The following ABTB2 variants were observed in gnomAD, a reference collection of about 807,000 sequenced individuals.
ABTB2 encodes ankyrin repeat and BTB domain containing 2, also known as ankyrin repeat and BTB/POZ domain-containing protein 2.
A neutral mutation model predicts 104.1 loss-of-function variants in ABTB2; 56 were observed. That is an observed-to-expected ratio of 0.54 (90% CI 0.43 to 0.67). The LOEUF is 0.67. ABTB2 is among the 30% of genes least tolerant of loss of function. ABTB2 has a pLI of 0.00. For missense variants in ABTB2, 1,279 were observed against 1,407.7 expected (o/e 0.91, Z 1.46); for synonymous variants, 606 against 608.2 (o/e 1.00, Z 0.05).
intron 1 of ABTB2, among the ~76,000 whole-genome samples, chr11:34,266,529 T>C (rs1181526720): frequency 6.6e-6 from 1 of 152,202 alleles, no homozygotes; most frequent in Non-Finnish European, 1.5e-5. Context: ...GTAGTGTGTC[T>C]TGTTATTTCT....
At chr11:34,246,024 TCTAAAAC>T (rs1306045129) in intron 1 of ABTB2, among the ~76,000 whole-genome samples, 1 of 152,206 alleles carries the variant, frequency 6.6e-6, no homozygotes, top group Non-Finnish European at 1.5e-5. Context: ...GCTGCCAGCT[TCTAAAAC>T]GTTCAGGCCA....
chr11:34,328,992 A>C (rs908542407), intron 1 of ABTB2, among the ~76,000 whole-genome samples: 7 of 152,266 alleles, frequency 4.6e-5, no homozygotes, highest in Non-Finnish European at 1.5e-5. Context: ...TCAGAGATAG[A>C]CTAGAAGAGA....
chr11:34,348,537 C>T (rs1855360913), intron 1 of ABTB2, among the ~76,000 whole-genome samples: 1 of 152,134 alleles, frequency 6.6e-6, no homozygotes, highest in African/African-American at 2.4e-5. Flanking sequence ...TGCATCCCCT[C>T]CCATCTCCGC....
rs772418965 is a variant in ABTB2, at chr11:34,317,761, C to CA, written c.883+38939dup. Among the ~76,000 whole-genome samples, 857 of 125,614 alleles carry CA rather than the reference C, an allele frequency of 6.8e-3. 20 individuals carry two copies. Among genetic ancestry groups the CA allele is most frequent in the African/African-American group, 0.016 (543 of 33,210 alleles). 82.4% of individuals were successfully genotyped at this position (125,614 alleles called of 152,430 possible). On this transcript the variant is annotated intron_variant, in intron 1 of 16. Coordinates refer to ENST00000435224, the MANE Select transcript of ABTB2 (RefSeq NM_145804.3). ...CAGGCAACAGAGCAAAATCCTGTCTCAAAAAAAAAAAAAAAAAATTAATAA... is the reference window on the plus strand; with the variant it reads ...CAGGCAACAGAGCAAAATCCTGTCTCAAAAAAAAAAAAAAAAAAATTAATAA...
At chr11:34,232,679 G>A (rs1021299752) in intron 1 of ABTB2, among the ~76,000 whole-genome samples, 2 of 152,086 alleles carry the variant, frequency 1.3e-5, no homozygotes, top group African/African-American at 4.8e-5. Flanking sequence ...CTTGGGTGCA[G>A]GGTGGTGGTT....
intron 1 of ABTB2, among the ~76,000 whole-genome samples, chr11:34,269,132 T>A (rs1239630724): frequency 6.6e-6 from 1 of 152,126 alleles, no homozygotes; most frequent in Non-Finnish European, 1.5e-5. Context: ...GTGAACACGA[T>A]GGAGAAATGC....
chr11:34,170,934 G>A lies in ABTB2; in HGVS notation c.1535C>T (p.Pro512Leu), dbSNP rs966509865. The A allele has an allele frequency of 6.8e-6, 11 of 1,614,016 alleles. No homozygotes were observed. The highest frequency in any genetic ancestry group is 3.3e-4 in the Middle Eastern group (2 of 6,084). ...LINQAIEALG[P>L]DGVNTMDDQG... ...GTCATCCATGGTGTTAACCCCATCC[G>A]GACCCAAGGCCTCGATGGCTTGGTT... Residue 512 changes from proline to leucine, a missense_variant, in exon 5 of 17, where the codon CCG becomes CTG. By Grantham distance (98) the Pro-to-Leu change is moderately conservative. Transcript: ENST00000435224.
intron 3 of ABTB2, among the ~76,000 whole-genome samples, chr11:34,196,552 TA>T (rs1360851353): frequency 4.0e-5 from 6 of 148,694 alleles, no homozygotes; most frequent in Admixed American, 6.7e-5. Context: ...AGACTCCGTC[TA>T]AAAAAAAAAG....
intron 1 of ABTB2, among the ~76,000 whole-genome samples, chr11:34,276,121 T>G (rs1028770689): frequency 2.0e-5 from 3 of 152,090 alleles, no homozygotes; most frequent in Non-Finnish European, 4.4e-5. Flanking sequence ...AGTCTTTGTT[T>G]CTTAGGGGGG....
rs1854744918 is a variant in ABTB2, at chr11:34,304,168, AG to A, written c.883+52532del. The stretch of plus-strand genomic sequence containing the variant: ...ATATGCTATCTGCCCATTGGTGTAT[AG>A]GAAAAAACATGGTATATCTAGAGCT... On this transcript the variant is annotated intron_variant, in intron 1 of 16. Coordinates refer to ENST00000435224, the MANE Select transcript of ABTB2 (RefSeq NM_145804.3). 7.9e-5 allele frequency among the ~76,000 whole-genome samples: 12 copies of A among 152,292 alleles called. No individual in the cohort carries two copies. In the South Asian group the frequency reaches 2.5e-3, roughly 32 times the overall value.
At chr11:34,189,880 T>C (rs1167106633) in intron 3 of ABTB2, among the ~76,000 whole-genome samples, 1 of 152,126 alleles carries the variant, frequency 6.6e-6, no homozygotes, top group African/African-American at 2.4e-5. Flanking sequence ...CTAAGTGCCT[T>C]ATGTATATTA....
chr11:34,233,384 T>C (rs1294838765), intron 1 of ABTB2, among the ~76,000 whole-genome samples: 2 of 150,856 alleles, frequency 1.3e-5, no homozygotes, highest in East Asian at 2.0e-4. Context: ...TGAAGTGCAG[T>C]GGTGTGACCT....
At chr11:34,202,969 G>A (rs1166459676) in intron 2 of ABTB2, among the ~76,000 whole-genome samples, 1 of 152,228 alleles carries the variant, frequency 6.6e-6, no homozygotes, top group Non-Finnish European at 1.5e-5. Context: ...CCCTTGGCTA[G>A]CGGTAATGGC....
intron 1 of ABTB2, among the ~76,000 whole-genome samples, chr11:34,303,014 T>C (rs1854726240): frequency 6.6e-6 from 1 of 152,212 alleles, no homozygotes; most frequent in Admixed American, 6.5e-5. Flanking sequence ...CCTGATGGCT[T>C]TCCTTCTCAA....
chr11:34,152,063 G>A lies in ABTB2; in HGVS notation c.*324C>T, dbSNP rs1490970248. On this transcript the variant is annotated 3_prime_UTR_variant, in exon 17 of 17. Coordinates refer to ENST00000435224, the MANE Select transcript of ABTB2 (RefSeq NM_145804.3). ...TGAGTAGAGCTTGGAGGGCCTGGGCGGAGGTGGATCAGGATCAGCTGCTGA... is the reference window on the plus strand; with the variant it reads ...TGAGTAGAGCTTGGAGGGCCTGGGCAGAGGTGGATCAGGATCAGCTGCTGA... 2.7e-5 allele frequency: 10 copies of A among 367,734 alleles called. No homozygotes were observed. Among genetic ancestry groups the A allele is most frequent in the South Asian group, 1.4e-4 (5 of 36,858 alleles). The allele number at this position is 367,734 out of a possible 1,614,324, so 22.8% of individuals were successfully genotyped here. A position where few individuals can be genotyped will look rare whatever the true frequency, so the allele number is the denominator to read the frequency against.
intron 1 of ABTB2, among the ~76,000 whole-genome samples, chr11:34,218,914 T>G (rs1000153717): frequency 2.0e-5 from 3 of 151,460 alleles, no homozygotes; most frequent in African/African-American, 7.3e-5. Context: ...CAAGATGAGT[T>G]GACTATGTTT....
At position 34,261,436 on chromosome 11, in the gene ABTB2, A is replaced by G. The variant is rs116856532; in HGVS notation, c.884-56746T>C. ...ATTTGAAAGAAAATTTAACTTATAGAAATCCTCCTATTTACCAACATTTTC... is the reference window on the plus strand; with the variant it reads ...ATTTGAAAGAAAATTTAACTTATAGGAATCCTCCTATTTACCAACATTTTC... On this transcript the variant is annotated intron_variant, in intron 1 of 16. Coordinates refer to ENST00000435224, the MANE Select transcript of ABTB2 (RefSeq NM_145804.3). Among the ~76,000 whole-genome samples the G allele has an allele frequency of 7.1e-3, 1,074 of 152,300 alleles. 12 individuals carry two copies. Among genetic ancestry groups the G allele is most frequent in the Middle Eastern group, 0.024 (7 of 294 alleles).
At chr11:34,312,889 A>G (rs985097743) in intron 1 of ABTB2, among the ~76,000 whole-genome samples, 2 of 152,224 alleles carry the variant, frequency 1.3e-5, no homozygotes, top group African/African-American at 4.8e-5. Context: ...TATAGGAGAA[A>G]TCGCCTCAGA....
At chr11:34,184,182 C>T (rs1590210186) in intron 3 of ABTB2, among the ~76,000 whole-genome samples, 2 of 152,002 alleles carry the variant, frequency 1.3e-5, no homozygotes, top group South Asian at 4.2e-4. Context: ...GGAGCTGCTT[C>T]GTCTTTCATT....
Sources: allele counts gnomAD v4.1 joint callset (sites outside exome capture counted in the v4.1 genomes callset), GRCh38; gene constraint gnomAD v4.1.1; transcripts MANE v1.5; gene names NCBI Gene and HGNC (gene_info 2026-07-23, HGNC 2026-07-21).